AHRR: variants seen among roughly 807,000 people sequenced by gnomAD.
AHRR encodes ahR repressor.
Under a neutral mutation model 44.0 loss-of-function variants are expected in AHRR, and 28 were observed. That is an observed-to-expected ratio of 0.64 (90% CI 0.47 to 0.87). AHRR has a LOEUF of 0.87. AHRR is among the 40% of genes least tolerant of loss of function. The pLI is 0.00. For missense variants in AHRR, 990 were observed against 953.9 expected (o/e 1.04, Z -0.50); for synonymous variants, 434 against 407.0 (o/e 1.07, Z -0.80).
At chr5:412,675 A>G (rs563208328) in intron 4 of AHRR, among the ~76,000 whole-genome samples, 222 of 152,148 alleles carry the variant, frequency 1.5e-3, no homozygotes, top group Non-Finnish European at 2.8e-3. Flanking sequence ...CAGCAGATAC[A>G]GAAAAACACT....
intron 3 of AHRR, 112 bp from the exon 4 acceptor site, chr5:376,498 G>A (rs997611208): frequency 5.9e-5 from 3 of 50,766 alleles, no homozygotes; most frequent in Non-Finnish European, 1.4e-4. Flanking sequence ...CAGGCCAGAT[G>A]TCAGGTGAGA....
At chr5:368,037 A>G in intron 3 of AHRR, 1 of 661,290 alleles carries the variant, frequency 1.5e-6, no homozygotes. Flanking sequence ...CCAGCCCCAT[A>G]TGGGTGTTAG....
chr5:324,061 T>C (rs533125726), intron 1 of AHRR, among the ~76,000 whole-genome samples: 1 of 150,774 alleles, frequency 6.6e-6, no homozygotes, highest in Non-Finnish European at 1.5e-5. Context: ...CTCTCTCTCT[T>C]TCTTTCCTTT....
Position 432,917 on chromosome 5 carries a change from ACCTTGT to A in AHRR, c.1088_1093del (p.Val363_Leu364del). 6.2e-7 allele frequency: 1 copy of A among 1,612,272 alleles called. No homozygotes were observed. The highest frequency in any genetic ancestry group is 1.3e-5 in the African/African-American group (1 of 74,974). On this transcript the variant is annotated inframe_deletion, in exon 10 of 11. Transcript: ENST00000684583. ...TGCCTGTGCCTCCGGGGTGGCCCTG[ACCTTGT>A]CCTTGACCCCAAGGGGGGCTCAGGG...
intron 4 of AHRR, among the ~76,000 whole-genome samples, chr5:385,600 G>T (rs1318251851): frequency 1.3e-5 from 2 of 152,186 alleles, no homozygotes; most frequent in Non-Finnish European, 2.9e-5. Context: ...GAAATTCACA[G>T]TCATTCAAAT....
intron 4 of AHRR, among the ~76,000 whole-genome samples, chr5:384,210 G>C (rs1734086996): frequency 6.6e-6 from 1 of 151,484 alleles, no homozygotes; most frequent in African/African-American, 2.4e-5. Flanking sequence ...AATATGTATT[G>C]GTATTACATT....
rs150192898 is a variant in AHRR at position 330,953 on chromosome 5, A to G, written c.-11+9134A>G. Among the ~76,000 whole-genome samples, 1,304 of 138,434 alleles carry G rather than the reference A, an allele frequency of 9.4e-3. 19 individuals are homozygous for G. The highest frequency in any genetic ancestry group is 0.035 in the African/African-American group (1,270 of 35,890). The allele number at this position is 138,434 out of a possible 152,430, so 90.8% of individuals were successfully genotyped here. A position where few individuals can be genotyped will look rare whatever the true frequency, so the allele number is the denominator to read the frequency against. Reference sequence around the variant, plus strand: ...CAATGGTGTGATCTCGGCTCACTGCAAGCTCCGTCTCCTCCCGGGTTCATG... The same window carrying G: ...CAATGGTGTGATCTCGGCTCACTGCGAGCTCCGTCTCCTCCCGGGTTCATG... On this transcript the variant is annotated intron_variant, in intron 1 of 10. Coordinates refer to ENST00000684583, the MANE Select transcript of AHRR (RefSeq NM_001377236.1).
In AHRR at chr5:433,071, A is replaced by G. The variant is rs1313433879; in HGVS notation, c.1112+124A>G. 3 of 1,188,544 alleles carry G rather than the reference A, an allele frequency of 2.5e-6. 1 individual carries two copies. Among genetic ancestry groups the G allele is most frequent in the South Asian group, 3.3e-5 (2 of 60,732 alleles). 73.6% of individuals were successfully genotyped at this position (1,188,544 alleles called of 1,614,324 possible). ...AAAGACGACAGCAGCCTTGGCCACCACACGAGCCACAGCTAACCTTACTCT... is the reference window on the plus strand; with the variant it reads ...AAAGACGACAGCAGCCTTGGCCACCGCACGAGCCACAGCTAACCTTACTCT... On this transcript the variant is annotated intron_variant, in intron 10 of 10. Transcript: ENST00000684583.
intron 7 of AHRR, among the ~76,000 whole-genome samples, chr5:424,220 T>C (rs868215173): frequency 7.1e-4 from 72 of 101,424 alleles, no homozygotes; most frequent in Admixed American, 1.7e-3. Flanking sequence ...GGTGTGGGGG[T>C]GTTAACCCAT....
rs188075736 is a variant in AHRR at position 413,406 on chromosome 5, G to C, written c.414G>C (p.Thr138=). 1.9e-5 allele frequency: 31 copies of C among 1,613,696 alleles called. No individual in the cohort carries two copies. The highest frequency in any genetic ancestry group is 2.4e-5 in the Non-Finnish European group (28 of 1,179,856). The change falls in exon 5 of 11, where the codon ACG becomes ACC. Residue 138 remains threonine (T), a synonymous_variant. Transcript: ENST00000684583. ...GGACGATATTTTATGCATCAGCAAC[G>C]ATCGTGGACTATCTGGGCTTCCATC... ...AEGTIFYASA[T]IVDYLGFHQT... is the part of the protein sequence containing the mutation.
At chr5:345,441 GGTGTGTGT>G (rs141357680) in intron 2 of AHRR, among the ~76,000 whole-genome samples, 1 of 81,568 alleles carries the variant, frequency 1.2e-5, no homozygotes, top group Non-Finnish European at 2.0e-5. Flanking sequence ...TGCGTGTGTG[GGTGTGTGT>G]GTGTGTGTGT....
intron 4 of AHRR, among the ~76,000 whole-genome samples, chr5:385,635 C>T (rs1340578172): frequency 1.3e-5 from 2 of 152,104 alleles, no homozygotes; most frequent in Non-Finnish European, 2.9e-5. Flanking sequence ...TGTTATGTGT[C>T]ATTTTTCTCT....
chr5:434,520 G>C lies in AHRR; in HGVS notation c.1780G>C (p.Ala594Pro). ...GCACCTGGGGCACGGCGTGCGGGGG[G>C]CTCAGCCCCATGGGAGGGCCACTGC... ...ISHLGHGVRG[A>P]QPHGRATAGR... The change falls in exon 11 of 11, where the codon GCT (alanine) becomes CCT (proline). Residue 594 changes from alanine to proline, a missense_variant. Physicochemically the swap from Ala to Pro is conservative, Grantham distance 27. Transcript: ENST00000684583. 6.2e-7 allele frequency: 1 copy of C among 1,611,886 alleles called. No individual in the cohort carries two copies. The highest frequency in any genetic ancestry group is 8.5e-7 in the Non-Finnish European group (1 of 1,179,570).
chr5:398,049 CCCTGACCATCCACGTAGCT>C (rs1734827282), intron 4 of AHRR, among the ~76,000 whole-genome samples: 3 of 143,148 alleles, frequency 2.1e-5, no homozygotes, highest in Admixed American at 6.9e-5. Flanking sequence ...CCATGTTAGC[CCCTGACCATCCACGTAGCT>C]CCTGACCATC....
intron 1 of AHRR, among the ~76,000 whole-genome samples, chr5:340,180 T>C (rs1742281577): frequency 1.3e-5 from 2 of 152,330 alleles, no homozygotes; most frequent in South Asian, 2.1e-4. Flanking sequence ...TTTGATGTTG[T>C]TGGAATAGAT....
intron 4 of AHRR, among the ~76,000 whole-genome samples, chr5:378,886 T>C (rs979892284): frequency 3.3e-5 from 5 of 152,204 alleles, no homozygotes; most frequent in African/African-American, 1.2e-4. Flanking sequence ...AGAATTCAAG[T>C]GTATGGTTAC....
In AHRR at chr5:376,735, A is replaced by G. The variant is rs1051844136; in HGVS notation, c.351+19A>G. The stretch of plus-strand genomic sequence containing the variant: ...GTTGGAGGTGAGTGCCACCCTTGGT[A>G]CCTCGAACACTTGACACTTGGTTCT... On this transcript the variant is annotated intron_variant, in intron 4 of 10. Coordinates refer to ENST00000684583, the MANE Select transcript of AHRR (RefSeq NM_001377236.1). The G allele has an allele frequency of 3.2e-6, 5 of 1,581,852 alleles. No individual in the cohort carries two copies. The highest frequency in any genetic ancestry group is 1.3e-5 in the African/African-American group (1 of 74,262).
At chr5:382,154 T>C (rs1195205396) in intron 4 of AHRR, among the ~76,000 whole-genome samples, 2 of 152,256 alleles carry the variant, frequency 1.3e-5, no homozygotes, top group East Asian at 3.8e-4. Flanking sequence ...TTTGATGGGT[T>C]TGAATATCAT....
intron 2 of AHRR, among the ~76,000 whole-genome samples, chr5:345,383 T>G (rs1742613053): frequency 9.4e-6 from 1 of 106,806 alleles, no homozygotes; most frequent in Admixed American, 8.5e-5. Context: ...TGTGTGGGGA[T>G]GTGTGTGTGT....
Sources: allele counts gnomAD v4.1 joint callset (sites outside exome capture counted in the v4.1 genomes callset), GRCh38; gene constraint gnomAD v4.1.1; transcripts MANE v1.5; gene names NCBI Gene and HGNC (gene_info 2026-07-23, HGNC 2026-07-21).